KAT6B: variants seen among roughly 807,000 people sequenced by gnomAD.
KAT6B encodes the protein lysine acetyltransferase 6B.
Under a neutral mutation model 187.5 loss-of-function variants are expected in KAT6B, and 10 were observed. The observed-to-expected ratio is 0.05, with a 90% CI of 0.03 to 0.09. The LOEUF (loss-of-function observed/expected upper bound fraction) is 0.09, where lower values mean the gene tolerates loss of function less well. Ranked by LOEUF, KAT6B falls within the 10% of genes least tolerant of loss-of-function variation. KAT6B has a pLI of 1.00. For missense variants in KAT6B, 1,952 were observed against 2,558.9 expected (o/e 0.76, Z 5.12); for synonymous variants, 861 against 926.8 (o/e 0.93, Z 1.29).
chr10:74,831,036 G>A (rs898367501), intron 1 of KAT6B, among the ~76,000 whole-genome samples: 15 of 151,770 alleles, frequency 9.9e-5, no homozygotes, highest in African/African-American at 1.7e-4. Context: ...TGACCCGCCC[G>A]TCTTGGCCTC....
intron 11 of KAT6B, chr10:74,983,392 T>G (rs1161501734): frequency 6.6e-6 from 1 of 152,300 alleles, no homozygotes; most frequent in African/African-American, 2.4e-5. Flanking sequence ...GAAGGCTGAA[T>G]GCACGTTGCC....
At chr10:74,833,782 A>G (rs1841061054) in intron 1 of KAT6B, among the ~76,000 whole-genome samples, 1 of 152,268 alleles carries the variant, frequency 6.6e-6, no homozygotes, top group South Asian at 2.1e-4. Context: ...TTAGCCTCTT[A>G]GAAATCCTTG....
intron 13 of KAT6B, among the ~76,000 whole-genome samples, chr10:74,990,705 C>G (rs1843080449): frequency 6.6e-6 from 1 of 152,096 alleles, no homozygotes; most frequent in South Asian, 2.1e-4. Context: ...TTTCTGAGGG[C>G]AAAACCATTT....
chr10:74,873,692 T>G (rs1844185603), intron 3 of KAT6B, among the ~76,000 whole-genome samples: 1 of 152,040 alleles, frequency 6.6e-6, no homozygotes, highest in South Asian at 2.1e-4. Context: ...TGGAAGAGAT[T>G]TTAGGGGAGA....
At chr10:74,913,412 A>G (rs1847396119) in intron 3 of KAT6B, among the ~76,000 whole-genome samples, 2 of 152,228 alleles carry the variant, frequency 1.3e-5, no homozygotes, top group African/African-American at 2.4e-5. Context: ...AGTTATAACT[A>G]TATGTTCTAT....
chr10:74,931,152 C>T lies in KAT6B; in HGVS notation c.622-28818C>T, dbSNP rs191115488. ...GAGGATTTTGTGGGGAAGTAAAGAG[C>T]TCTGGGCTGGTGAGGCTGGTAGGGG... is the stretch of plus-strand genomic sequence containing the variant. On this transcript the variant is annotated intron_variant, in intron 3 of 17. Coordinates refer to ENST00000287239, the MANE Select transcript of KAT6B (RefSeq NM_012330.4). Among the ~76,000 whole-genome samples the T allele has an allele frequency of 3.5e-4, 53 of 152,212 alleles. 1 individual carries two copies. Among genetic ancestry groups the T allele is most frequent in the Admixed American group, 3.3e-3 (51 of 15,290 alleles).
At chr10:74,843,631 T>C (rs942118855) in intron 3 of KAT6B, among the ~76,000 whole-genome samples, 153 bp downstream of exon 3, 3 of 152,246 alleles carry the variant, frequency 2.0e-5, no homozygotes, top group Admixed American at 1.3e-4. Flanking sequence ...AAAATGTATA[T>C]ATTGTACTGC....
At chr10:74,839,157 C>CAA (rs112661788) in intron 2 of KAT6B, among the ~76,000 whole-genome samples, 12 of 117,632 alleles carry the variant, frequency 1.0e-4, no homozygotes, top group African/African-American at 1.6e-4. Flanking sequence ...CTGTGCCCCC[C>CAA]AAAAAAAAAA....
At chr10:74,948,501 A>C (rs1271428719) in intron 3 of KAT6B, among the ~76,000 whole-genome samples, 1 of 152,174 alleles carries the variant, frequency 6.6e-6, no homozygotes, top group Non-Finnish European at 1.5e-5. Context: ...TCCTGTTTGG[A>C]TCTAATTACA....
intron 1 of KAT6B, among the ~76,000 whole-genome samples, chr10:74,827,784 A>C (rs1589423155): frequency 6.6e-6 from 1 of 152,164 alleles, no homozygotes; most frequent in South Asian, 2.1e-4. Flanking sequence ...GGGCAGAGAA[A>C]GGTGTTAGTT....
chr10:75,011,289 G>A (rs1340543252), intron 13 of KAT6B, among the ~76,000 whole-genome samples: 1 of 152,018 alleles, frequency 6.6e-6, no homozygotes, highest in African/African-American at 2.4e-5. Context: ...AAAAATAAAT[G>A]TGTTTTTCCT....
chr10:74,949,196 C>G (rs1478220031), intron 3 of KAT6B, among the ~76,000 whole-genome samples: 1 of 152,188 alleles, frequency 6.6e-6, no homozygotes, highest in Non-Finnish European at 1.5e-5. Flanking sequence ...CCTAAACAGA[C>G]TTCCTGTAAC....
At chr10:74,836,965 T>TTTA (rs1489654345) in intron 1 of KAT6B, among the ~76,000 whole-genome samples, 1 of 152,226 alleles carries the variant, frequency 6.6e-6, no homozygotes, top group East Asian at 1.9e-4. Flanking sequence ...TAAACTCTAT[T>TTTA]ATTAATCTTT....
chr10:74,957,836 A>T (rs1334215283), intron 3 of KAT6B, among the ~76,000 whole-genome samples: 1 of 152,218 alleles, frequency 6.6e-6, no homozygotes, highest in East Asian at 1.9e-4. Flanking sequence ...GTTGCAAGTA[A>T]TAACTATGGA....
intron 3 of KAT6B, among the ~76,000 whole-genome samples, chr10:74,932,309 A>G (rs553277334): frequency 1.3e-5 from 2 of 152,182 alleles, no homozygotes; most frequent in East Asian, 1.9e-4. Flanking sequence ...CACAACAACT[A>G]TAGTTATCCC....
At chr10:74,981,301 T>TCC (rs1842490833) in intron 10 of KAT6B, among the ~76,000 whole-genome samples, 1 of 149,550 alleles carries the variant, frequency 6.7e-6, no homozygotes, top group African/African-American at 2.5e-5. Flanking sequence ...CTTTCTTTCT[T>TCC]TCTTTCTTCC....
At chr10:75,012,480 C>T (rs576277069) in intron 13 of KAT6B, among the ~76,000 whole-genome samples, 1 of 152,252 alleles carries the variant, frequency 6.6e-6, no homozygotes, top group African/African-American at 2.4e-5. Flanking sequence ...TTAATTCTCT[C>T]ACTGGGTAAG....
chr10:74,936,686 G>A (rs1330154630), intron 3 of KAT6B, among the ~76,000 whole-genome samples: 1 of 152,176 alleles, frequency 6.6e-6, no homozygotes, highest in Non-Finnish European at 1.5e-5. Context: ...TTGTGTGTAT[G>A]TGTGTAATAT....
At chr10:74,843,885 T>A (rs1841922820) in intron 3 of KAT6B, among the ~76,000 whole-genome samples, 1 of 152,210 alleles carries the variant, frequency 6.6e-6, no homozygotes, top group East Asian at 1.9e-4. Flanking sequence ...ACTATTATTA[T>A]TTTTTTGAGA....
Sources: gnomAD v4.1 joint callset for allele counts (sites outside exome capture counted in the v4.1 genomes callset) on GRCh38, gnomAD v4.1.1 for gene constraint, MANE v1.5 for transcripts, NCBI Gene and HGNC (gene_info 2026-07-23, HGNC 2026-07-21) for gene names.